TMOD3: variants seen among roughly 807,000 people sequenced by gnomAD.
The protein encoded by TMOD3 is tropomodulin 3, also known as tropomodulin-3.
Under a neutral mutation model 39.2 loss-of-function variants are expected in TMOD3, and 20 were observed. The ratio of observed to expected loss-of-function variants is 0.51; its 90% confidence interval spans 0.36 to 0.74. The LOEUF (loss-of-function observed/expected upper bound fraction) is 0.74. Among genes scored for constraint, TMOD3 ranks in the 30% least tolerant of loss-of-function variants. TMOD3 has a pLI of 0.00. For synonymous variants in TMOD3, 143 were observed against 145.8 expected (o/e 0.98, Z 0.14); for missense variants, 381 against 412.8 (o/e 0.92, Z 0.67).
intron 1 of TMOD3, among the ~76,000 whole-genome samples, chr15:51,841,826 G>A (rs1283503729): frequency 6.6e-6 from 1 of 152,122 alleles, no homozygotes; most frequent in Non-Finnish European, 1.5e-5. Flanking sequence ...CTGGAGTGCG[G>A]TGGCACGATC....
rs1595909730 is a variant in TMOD3, at chr15:51,894,742, T to TA, written c.627+798dup. Among the ~76,000 whole-genome samples, 3 of 152,348 alleles carry TA rather than the reference T, an allele frequency of 2.0e-5. No homozygotes were observed. In the South Asian group the frequency reaches 6.2e-4, roughly 32 times the overall value. ...ATTGATTCATGGTGAGTGTGTCAGA[T>TA]ACGCTGCAGTTTGTTTATCTGTTCA... is the stretch of plus-strand genomic sequence containing the variant. On this transcript the variant is annotated intron_variant, in intron 6 of 9. Coordinates refer to ENST00000308580, the MANE Select transcript of TMOD3 (RefSeq NM_014547.5).
chr15:51,874,563 A>G (rs902631573), intron 3 of TMOD3, among the ~76,000 whole-genome samples: 3 of 152,178 alleles, frequency 2.0e-5, no homozygotes, highest in Admixed American at 6.5e-5. Context: ...ATTAGTTCCC[A>G]TCATATTTTT....
At chr15:51,905,346 G>T (rs2056673064) in intron 9 of TMOD3, among the ~76,000 whole-genome samples, 1 of 152,162 alleles carries the variant, frequency 6.6e-6, no homozygotes, top group Non-Finnish European at 1.5e-5. Context: ...AATTAGCCAG[G>T]TGTGGTGGCA....
intron 3 of TMOD3, chr15:51,874,926 G>A (rs999531602): frequency 3.3e-5 from 5 of 152,164 alleles, no homozygotes; most frequent in Non-Finnish European, 7.3e-5. Context: ...TTGGGGTACA[G>A]CCATTTATGC....
At chr15:51,836,657 G>A (rs1209283953) in intron 1 of TMOD3, among the ~76,000 whole-genome samples, 1 of 151,552 alleles carries the variant, frequency 6.6e-6, no homozygotes, top group Admixed American at 6.6e-5. Context: ...CCTGGGAGGT[G>A]GAGGTTGCAG....
Position 51,908,817 on chromosome 15 carries a change from A to G in TMOD3, c.*7A>G, listed in dbSNP as rs1186184705. The G allele has an allele frequency of 1.9e-6, 3 of 1,605,576 alleles. No homozygotes were observed. Among genetic ancestry groups the G allele is most frequent in the Non-Finnish European group, 2.6e-6 (3 of 1,176,422 alleles). On this transcript the variant is annotated 3_prime_UTR_variant, in exon 10 of 10. Coordinates refer to ENST00000308580, the MANE Select transcript of TMOD3 (RefSeq NM_014547.5). ...TGAAGGAGATCACCAGTAAGTCTGC[A>G]AAGGTGTAATCTTTGGAAGACTTCA...
At chr15:51,832,777 G>A (rs762703483) in intron 1 of TMOD3, among the ~76,000 whole-genome samples, 92 of 152,310 alleles carry the variant, frequency 6.0e-4, no homozygotes, top group Middle Eastern at 3.4e-3. Flanking sequence ...AAGATAAAGA[G>A]GAGGATCCAG....
rs186201277 is a variant in TMOD3 at position 51,906,946 on chromosome 15, G to A, written c.1025-1830G>A. On this transcript the variant is annotated intron_variant, in intron 9 of 9. Coordinates refer to ENST00000308580, the MANE Select transcript of TMOD3 (RefSeq NM_014547.5). The stretch of plus-strand genomic sequence containing the variant: ...GAGGCAGGAGAATTGCTTGAACCTG[G>A]GTGGTAGAGGTTGCGGTGAGCCGAG... Among the ~76,000 whole-genome samples the A allele has an allele frequency of 1.5e-3, 221 of 151,816 alleles. 1 individual carries two copies. The highest frequency in any genetic ancestry group is 5.2e-3 in the African/African-American group (214 of 41,382).
chr15:51,871,633 A>G (rs2056475244), intron 3 of TMOD3, among the ~76,000 whole-genome samples: 2 of 152,302 alleles, frequency 1.3e-5, no homozygotes, highest in Middle Eastern at 3.4e-3. Flanking sequence ...ACCTAGGAAA[A>G]TATCTTGGAG....
chr15:51,850,505 G>C (rs555191998), intron 1 of TMOD3, among the ~76,000 whole-genome samples: 3 of 152,124 alleles, frequency 2.0e-5, no homozygotes, highest in Admixed American at 1.3e-4. Context: ...GAGAGTGAGG[G>C]GTAGGCAGTA....
chr15:51,908,658 C>T (rs1444927060), intron 9 of TMOD3, 118 bp from the exon 10 acceptor site: 11 of 533,870 alleles, frequency 2.1e-5, no homozygotes, highest in African/African-American at 1.6e-4. Context: ...TGGAAATGGA[C>T]ATTTCAATTT....
At chr15:51,830,260 G>A (rs1470722984) in intron 1 of TMOD3, among the ~76,000 whole-genome samples, 1 of 152,126 alleles carries the variant, frequency 6.6e-6, no homozygotes, top group Non-Finnish European at 1.5e-5. Context: ...GCGGCGGAGT[G>A]GGGGAGCCAA....
In TMOD3 at chr15:51,910,640, G is replaced by A. The variant is rs2056705623; in HGVS notation, c.*1830G>A. Reference sequence around the variant, plus strand: ...GCAATATGTCTGCTACTTTGGCTTGGGCTGGACAGTTTATCTAATAAGCAA... The same window carrying A: ...GCAATATGTCTGCTACTTTGGCTTGAGCTGGACAGTTTATCTAATAAGCAA... On this transcript the variant is annotated 3_prime_UTR_variant, in exon 10 of 10. Transcript: ENST00000308580. 1 of 152,134 alleles carries A rather than the reference G, an allele frequency of 6.6e-6. No individual in the cohort carries two copies. Among genetic ancestry groups the A allele is most frequent in the African/African-American group, 2.4e-5 (1 of 41,406 alleles). 9.4% of individuals were successfully genotyped at this position (152,134 alleles called of 1,614,324 possible).
intron 1 of TMOD3, among the ~76,000 whole-genome samples, chr15:51,844,502 T>G (rs1324039068): frequency 1.3e-5 from 2 of 152,224 alleles, no homozygotes; most frequent in Non-Finnish European, 2.9e-5. Context: ...TCTGAAGTCT[T>G]TTTTCTAATA....
At chr15:51,832,773 A>C (rs1595887654) in intron 1 of TMOD3, among the ~76,000 whole-genome samples, 1 of 152,372 alleles carries the variant, frequency 6.6e-6, no homozygotes, top group Non-Finnish European at 1.5e-5. Flanking sequence ...GAGAAAGATA[A>C]AGAGGAGGAT....
At chr15:51,875,812 G>A (rs975466949) in intron 3 of TMOD3, among the ~76,000 whole-genome samples, 1 of 151,810 alleles carries the variant, frequency 6.6e-6, no homozygotes, top group South Asian at 2.1e-4. Context: ...TAGAGACAGG[G>A]TTTCACTGTG....
chr15:51,893,252 G>C (rs555588677), intron 5 of TMOD3, among the ~76,000 whole-genome samples: 1 of 117,870 alleles, frequency 8.5e-6, no homozygotes, highest in Non-Finnish European at 1.6e-5. Flanking sequence ...CCAAGATCTT[G>C]CTACTGCACT....
At chr15:51,838,072 G>T (rs1184169616) in intron 1 of TMOD3, among the ~76,000 whole-genome samples, 1 of 152,152 alleles carries the variant, frequency 6.6e-6, no homozygotes, top group African/African-American at 2.4e-5. Context: ...GCATGGAGGC[G>T]TACTTACTTC....
At chr15:51,900,446 T>C in intron 8 of TMOD3, 148 bp downstream of exon 8, 1 of 795,622 alleles carries the variant, frequency 1.3e-6, no homozygotes, top group South Asian at 1.8e-5. Context: ...ATTTGGGGTA[T>C]CTAGAATATT....
Sources: allele counts gnomAD v4.1 joint callset (sites outside exome capture counted in the v4.1 genomes callset), GRCh38; gene constraint gnomAD v4.1.1; transcripts MANE v1.5; gene names NCBI Gene and HGNC (gene_info 2026-07-23, HGNC 2026-07-21).